Variants in CELF5 observed in about 807,000 individuals in gnomAD.
The protein encoded by CELF5 is CUG-BP and ETR-3 like factor 5.
Under a neutral mutation model 54.9 loss-of-function variants are expected in CELF5, and 6 were observed. The observed-to-expected ratio is 0.11, with a 90% confidence interval of 0.06 to 0.22. The LOEUF is 0.22. Ranked by LOEUF, CELF5 falls within the 10% of genes least tolerant of loss-of-function variation. CELF5 has a pLI of 1.00. For synonymous variants in CELF5, 271 were observed against 290.9 expected (o/e 0.93, Z 0.70); for missense variants, 401 against 678.6 (o/e 0.59, Z 4.54).
Position 3,297,031 on chromosome 19 carries a change from A to G in CELF5, c.*314A>G, listed in dbSNP as rs1599503819. 1.3e-5 allele frequency: 2 copies of G among 151,454 alleles called. No homozygotes were observed. The highest frequency in any genetic ancestry group is 6.6e-5 in the Admixed American group (1 of 15,196). The allele number at this position is 151,454 out of a possible 1,614,324, so 9.4% of individuals were successfully genotyped here. ...TTGGTCTGGAGAAAAAAAAAAAAAA[A>G]AAAAAACAACTAAAAATTTATTTAA... On this transcript the variant is annotated 3_prime_UTR_variant, in exon 13 of 13. Transcript: ENST00000292672.
chr19:3,258,249 C>G (rs892501771), intron 2 of CELF5, among the ~76,000 whole-genome samples: 2 of 151,984 alleles, frequency 1.3e-5, no homozygotes, highest in African/African-American at 4.8e-5. Context: ...TGAGCCACCA[C>G]GCCCAGCCCT....
intron 11 of CELF5, 147 bp downstream of exon 11, chr19:3,290,521 A>C (rs2080326180): frequency 1.3e-6 from 1 of 778,312 alleles, no homozygotes; most frequent in South Asian, 1.9e-5. Context: ...ACAGTGGATC[A>C]CGCCTGTGAT....
At chr19:3,247,854 C>G (rs146842103) in intron 1 of CELF5, among the ~76,000 whole-genome samples, 2 of 151,266 alleles carry the variant, frequency 1.3e-5, no homozygotes, top group Non-Finnish European at 3.0e-5. Flanking sequence ...CTCTGCCGCC[C>G]GGGTTCAAAC....
Position 3,290,234 on chromosome 19 carries a change from C to T in CELF5, c.1190C>T (p.Pro397Leu). ...TCTTTCTCTCCCCCACCTGCAGGTC[C>T]CGAGGGCTGTAACCTGTTTATCTAC... ...PLLQQQQREG[P>L]EGCNLFIYHL... Residue 397 changes from proline (P) to leucine (L), a missense_variant, in exon 11 of 13, where the codon CCC becomes CTC. Pro to Leu is a moderately conservative substitution (Grantham distance 98). Around this residue, in one of 6 missense-constraint regions of CELF5, gnomAD observed 59 missense variants for 128.8 expected, o/e 0.46. Coordinates refer to ENST00000292672, the MANE Select transcript of CELF5 (RefSeq NM_021938.4). The T allele has an allele frequency of 6.2e-7, 1 of 1,613,762 alleles. No individual in the cohort carries two copies. The highest frequency in any genetic ancestry group is 8.5e-7 in the Non-Finnish European group (1 of 1,179,766).
intron 1 of CELF5, among the ~76,000 whole-genome samples, chr19:3,227,018 G>A (rs778906617): frequency 3.9e-5 from 6 of 152,098 alleles, no homozygotes; most frequent in African/African-American, 1.2e-4. Flanking sequence ...TTGAGAAGCC[G>A]TGTGCACGAC....
At chr19:3,225,588 GA>G in intron 1 of CELF5, 1 of 983,778 alleles carries the variant, frequency 1.0e-6, no homozygotes, top group Non-Finnish European at 1.2e-6. Context: ...GGCCGCGGGG[GA>G]CACGGATGCC....
At chr19:3,246,527 G>C (rs1335562206) in intron 1 of CELF5, among the ~76,000 whole-genome samples, 1 of 151,762 alleles carries the variant, frequency 6.6e-6, no homozygotes, top group Non-Finnish European at 1.5e-5. Flanking sequence ...AACATAGCAA[G>C]ACCCCATCTC....
At chr19:3,247,479 C>T (rs2079583620) in intron 1 of CELF5, among the ~76,000 whole-genome samples, 3 of 150,842 alleles carry the variant, frequency 2.0e-5, no homozygotes, top group Admixed American at 2.0e-4. Context: ...CCAGGCTGGT[C>T]TTGAAATTGT....
Position 3,285,999 on chromosome 19 carries a change from C to G in CELF5, c.1160C>G (p.Pro387Arg). 6.3e-7 allele frequency: 1 copy of G among 1,585,060 alleles called. No homozygotes were observed. ...PIAHSVPQPP[P>R]LLQQQQREGP... ...GCGCACAGCGTCCCCCAGCCGCCGC[C>G]CCTCCTGCAGCAGCAGCAGCGAGAA... Residue 387 changes from proline (P) to arginine (R), a missense_variant, in exon 10 of 13, where the codon CCC (proline) becomes CGC (arginine). This residue lies in a region of CELF5 where 143 missense variants were observed against 147.6 expected (regional missense o/e 0.97). Coordinates refer to ENST00000292672, the MANE Select transcript of CELF5 (RefSeq NM_021938.4).
intron 1 of CELF5, among the ~76,000 whole-genome samples, chr19:3,235,592 G>A (rs1460611792): frequency 1.9e-4 from 22 of 117,506 alleles, no homozygotes; most frequent in Admixed American, 1.5e-3. Context: ...GTGGGTGGAT[G>A]GATGAATGAA....
chr19:3,276,846 A>C (rs1281329911), intron 4 of CELF5, among the ~76,000 whole-genome samples: 1 of 28,582 alleles, frequency 3.5e-5, no homozygotes, highest in Non-Finnish European at 6.0e-5. Context: ...GTGAGTAGGG[A>C]TGCAGGGGCG....
In CELF5 at chr19:3,241,178, C is replaced by G. The variant is rs527462354; in HGVS notation, c.260-9807C>G. Among the ~76,000 whole-genome samples, 408 of 151,906 alleles carry G rather than the reference C, an allele frequency of 2.7e-3. 2 individuals are homozygous for G. The highest frequency in any genetic ancestry group is 9.1e-3 in the African/African-American group (377 of 41,420). ...CCTGGTTCAAGCAGTTCTTCTGCCTCAGGCTCCCAAGTAGCTGGGATTACA... is the reference window on the plus strand; with the variant it reads ...CCTGGTTCAAGCAGTTCTTCTGCCTGAGGCTCCCAAGTAGCTGGGATTACA... On this transcript the variant is annotated intron_variant, in intron 1 of 12. Transcript: ENST00000292672.
chr19:3,287,034 CAA>C (rs55661552), intron 10 of CELF5, among the ~76,000 whole-genome samples: 2,024 of 103,388 alleles, frequency 0.02, 22 homozygotes, highest in African/African-American at 0.064. Context: ...GACTCCGTCT[CAA>C]AAAAAAAAAA....
At chr19:3,250,884 G>GCCGTTTCATTAAA in intron 1 of CELF5, 101 bp from the exon 2 acceptor site, 2 of 583,602 alleles carry the variant, frequency 3.4e-6, no homozygotes, top group Non-Finnish European at 6.0e-6. Context: ...TCTGTGGATG[G>GCCGTTTCATTAAA]AAGCTTGGGT....
intron 4 of CELF5, among the ~76,000 whole-genome samples, chr19:3,277,561 A>G (rs1394667696): frequency 6.6e-6 from 1 of 152,156 alleles, no homozygotes; most frequent in Non-Finnish European, 1.5e-5. Context: ...TTCTATTCAT[A>G]AAACCGTGCA....
chr19:3,237,935 G>A (rs1051959648), intron 1 of CELF5, among the ~76,000 whole-genome samples: 3 of 152,062 alleles, frequency 2.0e-5, no homozygotes, highest in Admixed American at 6.5e-5. Flanking sequence ...TATAGTCCCA[G>A]CTACTCGGGA....
intron 1 of CELF5, among the ~76,000 whole-genome samples, chr19:3,234,951 C>T (rs976431555): frequency 1.3e-5 from 2 of 152,130 alleles, no homozygotes; most frequent in African/African-American, 4.8e-5. Flanking sequence ...GCACCTGAGT[C>T]AGGACCCGTC....
At chr19:3,283,766 C>T (rs1156640262) in intron 8 of CELF5, among the ~76,000 whole-genome samples, 1 of 152,136 alleles carries the variant, frequency 6.6e-6, no homozygotes, top group East Asian at 1.9e-4. Context: ...ACTGTCAAAC[C>T]CAGGAAACTA....
intron 1 of CELF5, among the ~76,000 whole-genome samples, chr19:3,242,117 C>T (rs1244578646): frequency 3.3e-5 from 5 of 152,112 alleles, no homozygotes; most frequent in South Asian, 2.1e-4. Context: ...GAAGCAGGTA[C>T]GGCAAGAGGC....
Sources: allele counts gnomAD v4.1 joint callset (sites outside exome capture counted in the v4.1 genomes callset), GRCh38; gene constraint gnomAD v4.1.1; regional missense constraint gnomAD v4.1.1; transcripts MANE v1.5; gene names NCBI Gene and HGNC (gene_info 2026-07-23, HGNC 2026-07-21).